RPS6KC1: variants seen among roughly 807,000 people sequenced by gnomAD.
The protein encoded by RPS6KC1 is inactive ribosomal protein S6 kinase delta-1.
Under a neutral mutation model 103.8 loss-of-function variants are expected in RPS6KC1, and 54 were observed. The observed-to-expected ratio is 0.52, with a 90% confidence interval of 0.42 to 0.65. The LOEUF (loss-of-function observed/expected upper bound fraction) is 0.65. RPS6KC1 is among the 30% of genes least tolerant of loss of function. RPS6KC1 has a pLI of 0.00. For missense variants in RPS6KC1, 1,151 were observed against 1,253.8 expected (o/e 0.92, Z 1.24); for synonymous variants, 439 against 438.7 (o/e 1.00, Z -0.01).
the RPS6KC1 span, among the ~76,000 whole-genome samples, chr1:213,630,207 C>T: frequency 6.6e-6 from 1 of 152,242 alleles, no homozygotes; most frequent in South Asian, 2.1e-4. Context: ...CTCCCCGTCA[C>T]TTTCAGGTAC....
intron 9 of RPS6KC1, among the ~76,000 whole-genome samples, chr1:213,231,387 C>T (rs2094102391): frequency 1.3e-5 from 2 of 152,116 alleles, no homozygotes; most frequent in African/African-American, 2.4e-5. Context: ...AGAGAACCCT[C>T]AATTTTGAAA....
intron 5 of RPS6KC1, among the ~76,000 whole-genome samples, chr1:213,126,885 T>C (rs1457773271): frequency 6.6e-6 from 1 of 152,192 alleles, no homozygotes; most frequent in Non-Finnish European, 1.5e-5. Context: ...ATATTTACTT[T>C]CTGGCCCTTT....
At chr1:213,172,906 C>T (rs2091584277) in intron 7 of RPS6KC1, among the ~76,000 whole-genome samples, 2 of 152,296 alleles carry the variant, frequency 1.3e-5, no homozygotes, top group Admixed American at 1.3e-4. Flanking sequence ...TCTTACTTTT[C>T]CATCAAGGAA....
At chr1:213,207,795 T>C (rs1303603616) in intron 8 of RPS6KC1, among the ~76,000 whole-genome samples, 1 of 152,136 alleles carries the variant, frequency 6.6e-6, no homozygotes. Context: ...TGCCTCAGGC[T>C]CCCAAGTAGC....
intron 3 of RPS6KC1, among the ~76,000 whole-genome samples, chr1:213,103,069 G>A (rs6540778): frequency 0.73 from 110,887 of 151,702 alleles, 41,356 homozygotes; most frequent in African/African-American, 0.88. Context: ...CTGTGGTGGC[G>A]TGTGCCTGTA....
At chr1:213,207,601 G>C (rs544651603) in intron 8 of RPS6KC1, among the ~76,000 whole-genome samples, 1 of 152,098 alleles carries the variant, frequency 6.6e-6, no homozygotes, top group South Asian at 2.1e-4. Context: ...TCAGTCATTT[G>C]TCCCTTCTTA....
intron 8 of RPS6KC1, among the ~76,000 whole-genome samples, chr1:213,208,297 C>A (rs1230834789): frequency 1.3e-5 from 2 of 152,156 alleles, no homozygotes; most frequent in African/African-American, 4.8e-5. Flanking sequence ...CCTCTTTATA[C>A]TTCCACTTTT....
chr1:213,288,109 CT>C, the RPS6KC1 span, among the ~76,000 whole-genome samples: 2 of 152,236 alleles, frequency 1.3e-5, no homozygotes, highest in Non-Finnish European at 2.9e-5. Context: ...ACATTCTCAT[CT>C]TATTCTGTTC....
At chr1:213,363,323 T>C in the RPS6KC1 span, among the ~76,000 whole-genome samples, 4 of 152,238 alleles carry the variant, frequency 2.6e-5, no homozygotes, top group African/African-American at 9.6e-5. Flanking sequence ...CAGAGTAGTT[T>C]GGTGAGCAAG....
At chr1:213,618,689 T>G in the RPS6KC1 span, among the ~76,000 whole-genome samples, 1 of 152,252 alleles carries the variant, frequency 6.6e-6, no homozygotes, top group African/African-American at 2.4e-5. Context: ...ATTCCAGGAC[T>G]ACTGATGTTA....
At chr1:213,355,088 T>G in the RPS6KC1 span, among the ~76,000 whole-genome samples, 2 of 152,016 alleles carry the variant, frequency 1.3e-5, no homozygotes, top group African/African-American at 4.8e-5. Context: ...TGTGGTGGCG[T>G]ATGCCTATAA....
the RPS6KC1 span, among the ~76,000 whole-genome samples, chr1:213,627,420 C>T: frequency 1.3e-5 from 2 of 152,170 alleles, no homozygotes; most frequent in South Asian, 4.2e-4. Context: ...TTATTTCCTT[C>T]TCCTGCCTGA....
the RPS6KC1 span, among the ~76,000 whole-genome samples, chr1:213,683,913 C>T: frequency 0.01 from 1,590 of 152,282 alleles, 16 homozygotes; most frequent in South Asian, 0.016. Context: ...TTACCTGGGG[C>T]ACCTTTCCAG....
intron 6 of RPS6KC1, among the ~76,000 whole-genome samples, chr1:213,147,027 G>A (rs1406642317): frequency 1.3e-5 from 2 of 151,970 alleles, no homozygotes; most frequent in Admixed American, 6.6e-5. Flanking sequence ...TCTTATGCCC[G>A]TTTTTTGATT....
chr1:213,542,361 G>A, the RPS6KC1 span, among the ~76,000 whole-genome samples: 1 of 152,194 alleles, frequency 6.6e-6, no homozygotes, highest in East Asian at 1.9e-4. Flanking sequence ...GCAGGGAGCA[G>A]AGTCCCCCTC....
the RPS6KC1 span, among the ~76,000 whole-genome samples, chr1:213,334,426 T>G: frequency 2.0e-5 from 3 of 152,130 alleles, no homozygotes; most frequent in East Asian, 5.8e-4. Context: ...CACAGGACTG[T>G]GGACCATACA....
the RPS6KC1 span, among the ~76,000 whole-genome samples, chr1:213,687,773 A>T: frequency 5.3e-5 from 8 of 152,222 alleles, no homozygotes; most frequent in African/African-American, 1.7e-4. Context: ...ATCAATAATC[A>T]TGGGGACTGA....
At chr1:213,349,103 T>C in the RPS6KC1 span, among the ~76,000 whole-genome samples, 2 of 152,240 alleles carry the variant, frequency 1.3e-5, no homozygotes, top group African/African-American at 2.4e-5. Flanking sequence ...TAAATTTCTG[T>C]CAGCTTAGGA....
At chr1:213,739,272 GCTTA>G in the RPS6KC1 span, among the ~76,000 whole-genome samples, 1 of 152,028 alleles carries the variant, frequency 6.6e-6, no homozygotes, top group African/African-American at 2.4e-5. Flanking sequence ...GTTTTCTCTA[GCTTA>G]CTTTATTGTA....
Sources: gnomAD v4.1 joint callset for allele counts (sites outside exome capture counted in the v4.1 genomes callset) on GRCh38, gnomAD v4.1.1 for gene constraint, MANE v1.5 for transcripts, NCBI Gene and HGNC (gene_info 2026-07-23, HGNC 2026-07-21) for gene names.